The following PKHD1 variants were observed in gnomAD, a reference collection of about 807,000 sequenced individuals.
PKHD1 encodes PKHD1 ciliary IPT domain containing fibrocystin/polyductin.
A neutral mutation model predicts 412.0 loss-of-function variants in PKHD1; 291 were observed. That is an observed-to-expected ratio of 0.71 (90% CI 0.64 to 0.78). The LOEUF is 0.78. Among genes scored for constraint, PKHD1 ranks in the 30% least tolerant of loss-of-function variants. The pLI is 0.00. For synonymous variants in PKHD1, 1,777 were observed against 1,821.5 expected (o/e 0.98, Z 0.62); for missense variants, 4,825 against 4,950.7 (o/e 0.97, Z 0.76).
chr6:51,666,510 C>T (rs1033069428), intron 60 of PKHD1, among the ~76,000 whole-genome samples: 3 of 152,034 alleles, frequency 2.0e-5, no homozygotes, highest in African/African-American at 7.2e-5. Context: ...TTCAGCTTCG[C>T]AACTCATTAT....
intron 48 of PKHD1, among the ~76,000 whole-genome samples, chr6:51,861,837 T>C (rs1445135840): frequency 6.6e-6 from 1 of 152,206 alleles, no homozygotes; most frequent in African/African-American, 2.4e-5. Context: ...GACAATACTT[T>C]TTGCCCATTC....
intron 37 of PKHD1, among the ~76,000 whole-genome samples, chr6:51,933,418 G>A (rs1422233188): frequency 6.6e-6 from 1 of 152,180 alleles, no homozygotes; most frequent in Non-Finnish European, 1.5e-5. Flanking sequence ...GACAGGAAGA[G>A]GTTCAACAAC....
At chr6:51,989,852 G>C (rs1367057623) in intron 35 of PKHD1, among the ~76,000 whole-genome samples, 1 of 132,662 alleles carries the variant, frequency 7.5e-6, no homozygotes, top group Non-Finnish European at 1.6e-5. Flanking sequence ...GGAAATGAAG[G>C]GATAGGGGGA....
intron 52 of PKHD1, among the ~76,000 whole-genome samples, chr6:51,816,757 T>C (rs978090210): frequency 2.6e-5 from 4 of 152,336 alleles, no homozygotes; most frequent in East Asian, 1.9e-4. Context: ...TGTATATCAC[T>C]TTCCTTTTTC....
chr6:51,717,327 T>C (rs184356974), intron 60 of PKHD1, among the ~76,000 whole-genome samples: 136 of 151,928 alleles, frequency 9.0e-4, no homozygotes, highest in Non-Finnish European at 1.4e-3. Flanking sequence ...GAGAAGGATT[T>C]CTTGAACCCA....
intron 36 of PKHD1, among the ~76,000 whole-genome samples, chr6:51,948,359 T>C (rs1362231939): frequency 6.6e-6 from 1 of 152,104 alleles, no homozygotes. Flanking sequence ...CTGCCTCTGC[T>C]CTCCCCCTTG....
rs1393937673 is a variant in PKHD1 at position 52,053,227 on chromosome 6, G to A, written c.1989C>T (p.Leu663=). The A allele has an allele frequency of 6.2e-7, 1 of 1,614,194 alleles. No individual in the cohort carries two copies. The highest frequency in any genetic ancestry group is 8.5e-7 in the Non-Finnish European group (1 of 1,180,036). The change falls in exon 21 of 67, where the codon CTC becomes CTT. Residue 663 remains leucine (L), a synonymous_variant. Coordinates refer to ENST00000371117, the MANE Select transcript of PKHD1 (RefSeq NM_138694.4). ...CGAAGCAACGCACACAAGTCTCCCA[G>A]AGGTCAGTGCAATCGAACTGCCAGC... The part of the protein sequence containing the change: ...PESWQFDCTD[L]WETCVRCFGD...
At chr6:51,991,364 A>G (rs1797022672) in intron 35 of PKHD1, among the ~76,000 whole-genome samples, 1 of 152,252 alleles carries the variant, frequency 6.6e-6, no homozygotes, top group South Asian at 2.1e-4. Context: ...CCTTCTAGAA[A>G]TTCAAATAAA....
chr6:52,083,709 GAA>G (rs1812363164), intron 2 of PKHD1, among the ~76,000 whole-genome samples: 1 of 151,890 alleles, frequency 6.6e-6, no homozygotes, highest in Non-Finnish European at 1.5e-5. Flanking sequence ...GTCCTGGAGA[GAA>G]AAAAGGACTT....
chr6:51,834,019 C>T (rs7764015), intron 51 of PKHD1, among the ~76,000 whole-genome samples: 91,646 of 152,016 alleles, frequency 0.6, 28,699 homozygotes, highest in Middle Eastern at 0.76. Context: ...AAGTCTAATA[C>T]ATGAGCCAAA....
chr6:51,991,741 G>A (rs1445923257), intron 35 of PKHD1, among the ~76,000 whole-genome samples: 1 of 152,164 alleles, frequency 6.6e-6, no homozygotes, highest in African/African-American at 2.4e-5. Context: ...ACTTCACAGA[G>A]AAATCTTAAA....
intron 35 of PKHD1, chr6:51,975,632 AAAAAAAAAAC>A (rs1341667131): frequency 6.6e-6 from 1 of 151,268 alleles, no homozygotes; most frequent in Non-Finnish European, 1.5e-5. Context: ...GCCATAAAAA[AAAAAAAAAAC>A]AAAAAGAAAA....
chr6:51,628,709 C>T (rs544106249), intron 65 of PKHD1, among the ~76,000 whole-genome samples: 1 of 152,278 alleles, frequency 6.6e-6, no homozygotes, highest in East Asian at 1.9e-4. Flanking sequence ...TCAGCATTCC[C>T]TTTTCTCCAC....
intron 53 of PKHD1, among the ~76,000 whole-genome samples, chr6:51,788,815 A>G (rs2148455): frequency 0.59 from 89,214 of 151,748 alleles, 26,934 homozygotes; most frequent in East Asian, 0.83. Context: ...TGGCTGATAA[A>G]CATTTATTGA....
rs937482134 is a variant in PKHD1 at position 51,939,673 on chromosome 6, T to C, written c.5909-5351A>G. On this transcript the variant is annotated intron_variant, in intron 36 of 66. Transcript: ENST00000371117. ...TCCAGACATTCTTTTACACATTGTT[T>C]CCTCCCTAGTCTCTGTTCCCAATGC... Among the ~76,000 whole-genome samples the C allele has an allele frequency of 4.0e-5, 6 of 151,508 alleles. 1 individual carries two copies. Among genetic ancestry groups the C allele is most frequent in the Non-Finnish European group, 5.9e-5 (4 of 67,716 alleles).
Position 51,898,714 on chromosome 6 carries a change from A to G in PKHD1, c.6996+4883T>C, listed in dbSNP as rs553651431. Reference sequence around the variant, plus strand: ...ACACAAAAAACCCTTCAAAAAATTAATGAATCCAGGAGCTGGTTTTTTGAA... The same window carrying G: ...ACACAAAAAACCCTTCAAAAAATTAGTGAATCCAGGAGCTGGTTTTTTGAA... On this transcript the variant is annotated intron_variant, in intron 43 of 66. Coordinates refer to ENST00000371117, the MANE Select transcript of PKHD1 (RefSeq NM_138694.4). 9.4e-5 allele frequency among the ~76,000 whole-genome samples: 13 copies of G among 138,340 alleles called. No individual in the cohort carries two copies. In the East Asian group the frequency reaches 2.5e-3, roughly 27 times the overall value. 90.8% of individuals were successfully genotyped at this position (138,340 alleles called of 152,430 possible).
At chr6:51,746,131 G>C (rs1562216735) in intron 59 of PKHD1, among the ~76,000 whole-genome samples, 1 of 151,842 alleles carries the variant, frequency 6.6e-6, no homozygotes, top group Non-Finnish European at 1.5e-5. Flanking sequence ...TCACATATTT[G>C]AATGAAACTC....
chr6:51,811,454 A>G (rs1298873818), intron 52 of PKHD1, among the ~76,000 whole-genome samples: 1 of 152,232 alleles, frequency 6.6e-6, no homozygotes, highest in Non-Finnish European at 1.5e-5. Flanking sequence ...CATTACTGAT[A>G]TGATAGTATT....
chr6:52,004,855 G>A (rs1411352985), intron 35 of PKHD1, among the ~76,000 whole-genome samples: 1 of 152,128 alleles, frequency 6.6e-6, no homozygotes, highest in Non-Finnish European at 1.5e-5. Flanking sequence ...GTACCTTAGA[G>A]GCTATGTTCA....
Sources: gnomAD v4.1 joint callset for allele counts (sites outside exome capture counted in the v4.1 genomes callset) on GRCh38, gnomAD v4.1.1 for gene constraint, MANE v1.5 for transcripts, NCBI Gene and HGNC (gene_info 2026-07-23, HGNC 2026-07-21) for gene names.